Variants in RALGPS2 observed in about 807,000 individuals in gnomAD.
RALGPS2 encodes Ral GEF with PH domain and SH3 binding motif 2.
A neutral mutation model predicts 86.8 loss-of-function variants in RALGPS2; 43 were observed. That is an observed-to-expected ratio of 0.50 (90% CI 0.39 to 0.64). The LOEUF is 0.64. Among genes scored for constraint, RALGPS2 ranks in the 30% least tolerant of loss-of-function variants. RALGPS2 has a pLI of 0.00. For synonymous variants in RALGPS2, 243 were observed against 231.3 expected (o/e 1.05, Z -0.46); for missense variants, 536 against 694.6 (o/e 0.77, Z 2.57).
chr1:178,881,321 C>T (rs750712183), intron 10 of RALGPS2, among the ~76,000 whole-genome samples: 4 of 151,822 alleles, frequency 2.6e-5, no homozygotes, highest in Non-Finnish European at 5.9e-5. Context: ...GTTAGTCTCA[C>T]GTGAAGGGTA....
intron 17 of RALGPS2, among the ~76,000 whole-genome samples, chr1:178,898,027 G>GT (rs1343399494): frequency 1.3e-5 from 2 of 151,952 alleles, no homozygotes; most frequent in African/African-American, 4.8e-5. Flanking sequence ...TTGCCTTGGA[G>GT]TTTCCTTTCC....
At chr1:178,730,669 C>T (rs1252885169) in intron 1 of RALGPS2, among the ~76,000 whole-genome samples, 1 of 150,696 alleles carries the variant, frequency 6.6e-6, no homozygotes, top group Non-Finnish European at 1.5e-5. Context: ...TTGTGACTTC[C>T]CTTCATCATG....
intron 7 of RALGPS2, among the ~76,000 whole-genome samples, chr1:178,829,652 T>C (rs1158299901): frequency 6.6e-6 from 1 of 152,190 alleles, no homozygotes; most frequent in Non-Finnish European, 1.5e-5. Context: ...ATGTACAGCA[T>C]GAGGACTATA....
intron 8 of RALGPS2, chr1:178,849,638 G>A (rs1391441561): frequency 2.6e-5 from 4 of 152,196 alleles, no homozygotes; most frequent in African/African-American, 9.6e-5. Flanking sequence ...TGGTTCTGAA[G>A]GAAGTGGAGA....
chr1:178,917,967 T>C lies in RALGPS2; in HGVS notation c.*1608T>C, dbSNP rs185882334. The C allele has an allele frequency of 2.4e-4, 37 of 152,266 alleles. No homozygotes were observed. The highest frequency in any genetic ancestry group is 2.4e-3 in the Admixed American group (36 of 15,294). 9.4% of individuals were successfully genotyped at this position (152,266 alleles called of 1,614,324 possible). ...TTATTATAAGTATTTTGCCCTTGAG[T>C]CCATGAAACTTCAATAGAAAATATT... On this transcript the variant is annotated 3_prime_UTR_variant, in exon 20 of 20. Transcript: ENST00000367635.
intron 8 of RALGPS2, among the ~76,000 whole-genome samples, chr1:178,862,232 G>A (rs1352211605): frequency 6.6e-6 from 1 of 152,038 alleles, no homozygotes; most frequent in Non-Finnish European, 1.5e-5. Context: ...TATTGCTACT[G>A]TAACTTAGAA....
intron 19 of RALGPS2, among the ~76,000 whole-genome samples, chr1:178,915,711 T>C (rs750785093): frequency 6.6e-6 from 1 of 152,176 alleles, no homozygotes; most frequent in South Asian, 2.1e-4. Flanking sequence ...CAGAGAGAGG[T>C]TGCTAAACTG....
At chr1:178,877,430 C>G in intron 8 of RALGPS2, 68 bp from the exon 9 acceptor site, 1 of 1,592,102 alleles carries the variant, frequency 6.3e-7, no homozygotes, top group Non-Finnish European at 8.5e-7. Flanking sequence ...ACCCCTTCCC[C>G]CCTTTTCTTT....
intron 1 of RALGPS2, among the ~76,000 whole-genome samples, chr1:178,767,086 C>T (rs1180204175): frequency 6.6e-6 from 1 of 152,086 alleles, no homozygotes; most frequent in Non-Finnish European, 1.5e-5. Context: ...CTTAAAATGA[C>T]CATTTCATCT....
intron 1 of RALGPS2, among the ~76,000 whole-genome samples, chr1:178,753,361 A>G (rs6667993): frequency 0.99 from 151,147 of 152,302 alleles, 75,006 homozygotes; most frequent in East Asian, 1. Context: ...GCCCTGAGAC[A>G]AGTCAAATAT....
At chr1:178,809,758 G>A (rs956885626) in intron 5 of RALGPS2, among the ~76,000 whole-genome samples, 1 of 151,900 alleles carries the variant, frequency 6.6e-6, no homozygotes, top group Non-Finnish European at 1.5e-5. Flanking sequence ...GTAGCTTAGG[G>A]CTCTCCAAGA....
chr1:178,851,028 G>A, intron 8 of RALGPS2: 1 of 1,133,346 alleles, frequency 8.8e-7, no homozygotes, highest in Non-Finnish European at 1.2e-6. Context: ...AACTTTCTGT[G>A]TAGAAATAAA....
intron 10 of RALGPS2, among the ~76,000 whole-genome samples, chr1:178,882,839 C>T (rs559449631): frequency 3.3e-4 from 50 of 152,196 alleles, no homozygotes; most frequent in Non-Finnish European, 6.6e-4. Context: ...TTGCAAACAA[C>T]ATTTTTATTT....
At chr1:178,864,964 G>A (rs372891991) in intron 8 of RALGPS2, 1 of 1,449,946 alleles carries the variant, frequency 6.9e-7, no homozygotes, top group East Asian at 2.4e-5. Context: ...CTTCATTGAT[G>A]AAAGTTACCG....
chr1:178,875,060 C>T (rs1658941452), intron 8 of RALGPS2, among the ~76,000 whole-genome samples: 1 of 152,144 alleles, frequency 6.6e-6, no homozygotes, highest in South Asian at 2.1e-4. Context: ...ATCAGGAACG[C>T]TGAAGTAAAT....
Position 178,900,767 on chromosome 1 carries a change from T to C in RALGPS2, c.1525-1339T>C, listed in dbSNP as rs563508251. On this transcript the variant is annotated intron_variant, in intron 17 of 19. Transcript: ENST00000367635. ...ACAAACCTCTGATATAATAAATGCA[T>C]AGAATAAGGTCTGGAGGTTGTCACC... is the stretch of plus-strand genomic sequence containing the variant. Among the ~76,000 whole-genome samples, 3 of 152,110 alleles carry C rather than the reference T, an allele frequency of 2.0e-5. No homozygotes were observed. In the South Asian group the frequency reaches 6.2e-4, roughly 32 times the overall value.
chr1:178,776,326 ATTGTG>A (rs1456587583), intron 1 of RALGPS2, among the ~76,000 whole-genome samples: 1 of 152,168 alleles, frequency 6.6e-6, no homozygotes, highest in African/African-American at 2.4e-5. Flanking sequence ...CTAAAAATTT[ATTGTG>A]TTGTGGTATG....
chr1:178,824,095 T>C (rs533001341), intron 7 of RALGPS2, among the ~76,000 whole-genome samples: 13 of 152,178 alleles, frequency 8.5e-5, no homozygotes, highest in Non-Finnish European at 1.6e-4. Flanking sequence ...CTTTGTCAAA[T>C]GCTACTAATA....
At chr1:178,853,173 A>T in intron 8 of RALGPS2, 1 of 985,350 alleles carries the variant, frequency 1.0e-6, no homozygotes. Context: ...ATTCATTTGC[A>T]TAGCTAGCTT....
Sources: allele counts gnomAD v4.1 joint callset (sites outside exome capture counted in the v4.1 genomes callset), GRCh38; gene constraint gnomAD v4.1.1; transcripts MANE v1.5; gene names NCBI Gene and HGNC (gene_info 2026-07-23, HGNC 2026-07-21).